SORCS2: variants seen among roughly 807,000 people sequenced by gnomAD.
SORCS2 encodes the protein VPS10 domain-containing receptor SorCS2.
A neutral mutation model predicts 141.6 loss-of-function variants in SORCS2; 100 were observed. That is an observed-to-expected ratio of 0.71 (90% CI 0.60 to 0.83). The LOEUF (loss-of-function observed/expected upper bound fraction) is 0.83, where lower values mean the gene tolerates loss of function less well. Ranked by LOEUF, SORCS2 falls within the 40% of genes least tolerant of loss-of-function variation. The probability of loss-of-function intolerance (pLI) is 0.00; values close to 1 mark genes in which losing one functional copy is unlikely to be tolerated. For synonymous variants in SORCS2, 789 were observed against 676.9 expected (o/e 1.17, Z -2.57); for missense variants, 1,646 against 1,560.2 (o/e 1.05, Z -0.93).
chr4:7,193,169 A>G lies in SORCS2; in HGVS notation c.480+43A>G. On this transcript the variant is annotated intron_variant, in intron 1 of 26. Coordinates refer to ENST00000507866, the MANE Select transcript of SORCS2 (RefSeq NM_020777.3). The surrounding 1 kb of genome is among the most constrained non-coding windows in gnomAD (Gnocchi z 4.8). ...GCTCGCCGCGGCCCCTACCCGGGAC[A>G]CCGCGGGACACCCGGGCGGGACCGC... The G allele has an allele frequency of 6.9e-7, 1 of 1,445,974 alleles. No homozygotes were observed. Among genetic ancestry groups the G allele is most frequent in the Non-Finnish European group, 9.1e-7 (1 of 1,103,862 alleles). The allele number at this position is 1,445,974 out of a possible 1,614,324, so 89.6% of individuals were successfully genotyped here. A position where few individuals can be genotyped will look rare whatever the true frequency, so the allele number is the denominator to read the frequency against.
chr4:7,718,770 G>A (rs1476671999), intron 18 of SORCS2, among the ~76,000 whole-genome samples: 1 of 152,108 alleles, frequency 6.6e-6, no homozygotes, highest in Non-Finnish European at 1.5e-5. Context: ...AATAATGAAT[G>A]TTCATTGTAG....
chr4:7,462,013 C>T (rs1729344364), intron 2 of SORCS2, among the ~76,000 whole-genome samples: 1 of 152,246 alleles, frequency 6.6e-6, no homozygotes, highest in Non-Finnish European at 1.5e-5. Flanking sequence ...TCACCTGTCT[C>T]TGTGCCCAAA....
At chr4:7,604,934 T>A (rs556704350) in intron 3 of SORCS2, among the ~76,000 whole-genome samples, 28 of 151,972 alleles carry the variant, frequency 1.8e-4, no homozygotes, top group South Asian at 6.2e-4. Context: ...CTACACCCCA[T>A]GCAGATGTCA....
intron 2 of SORCS2, among the ~76,000 whole-genome samples, chr4:7,426,926 G>A (rs993410079): frequency 3.9e-5 from 6 of 152,214 alleles, no homozygotes; most frequent in African/African-American, 1.4e-4. Context: ...ATAACAGTGG[G>A]GGATGTGTTT....
chr4:7,231,587 T>G (rs1033200215), intron 1 of SORCS2, among the ~76,000 whole-genome samples: 2 of 152,138 alleles, frequency 1.3e-5, no homozygotes, highest in Non-Finnish European at 1.5e-5. Context: ...TTAGCAAATG[T>G]TTATGGAACT....
At chr4:7,448,715 C>G (rs1728178393) in intron 2 of SORCS2, among the ~76,000 whole-genome samples, 1 of 130,388 alleles carries the variant, frequency 7.7e-6, no homozygotes, top group African/African-American at 2.8e-5. Context: ...TCTCCCCTCC[C>G]TTCTTCCTCC....
intron 1 of SORCS2, among the ~76,000 whole-genome samples, chr4:7,252,641 G>A (rs969882144): frequency 3.9e-5 from 6 of 152,062 alleles, no homozygotes; most frequent in Middle Eastern, 3.2e-3. Context: ...CTGAGTGACC[G>A]TGCAATTCAT....
intron 2 of SORCS2, among the ~76,000 whole-genome samples, chr4:7,441,733 A>G: frequency 3.2e-5 from 1 of 31,488 alleles, no homozygotes; most frequent in Non-Finnish European, 5.9e-5. Flanking sequence ...ATTACCCTCC[A>G]CCCCCTCCCC....
chr4:7,689,020 G>A (rs1202215445), intron 10 of SORCS2, among the ~76,000 whole-genome samples: 1 of 152,190 alleles, frequency 6.6e-6, no homozygotes, highest in Non-Finnish European at 1.5e-5. Flanking sequence ...AAGGTTCTGG[G>A]TAGGTGAATG....
At position 7,542,373 on chromosome 4, in the gene SORCS2, C is replaced by A. The variant is rs146946706; in HGVS notation, c.648+10744C>A. Among the ~76,000 whole-genome samples, 1,081 of 152,224 alleles carry A rather than the reference C, an allele frequency of 7.1e-3. 6 individuals are homozygous for A. Among genetic ancestry groups the A allele is most frequent in the Middle Eastern group, 0.014 (4 of 294 alleles). ...AGCTGTAATCGAGGTAAAATGAGGT[C>A]ATTTCCAACATGACTGGTATTTTTA... On this transcript the variant is annotated intron_variant, in intron 3 of 26. Coordinates refer to ENST00000507866, the MANE Select transcript of SORCS2 (RefSeq NM_020777.3).
chr4:7,659,823 T>TC (rs555635616), intron 5 of SORCS2, among the ~76,000 whole-genome samples: 50 of 151,826 alleles, frequency 3.3e-4, no homozygotes, highest in African/African-American at 1.0e-3. Context: ...GCTGTACTTC[T>TC]CCCCCCCACC....
At chr4:7,365,428 T>C (rs1362955936) in intron 1 of SORCS2, among the ~76,000 whole-genome samples, 1 of 152,068 alleles carries the variant, frequency 6.6e-6, no homozygotes, top group Non-Finnish European at 1.5e-5. Flanking sequence ...GGGTGCAGGC[T>C]GAGATGGGGA....
chr4:7,453,384 CTGTGTTGGGGTCAGGAGCTG>C (rs1728619280), intron 2 of SORCS2, among the ~76,000 whole-genome samples: 13 of 122,130 alleles, frequency 1.1e-4, no homozygotes, highest in South Asian at 2.9e-4. Context: ...GGGTCAGGCA[CTGTGTTGGGGTCAGGAGCTG>C]TGTGTTGGGG....
At chr4:7,403,849 C>T (rs1407260047) in intron 2 of SORCS2, among the ~76,000 whole-genome samples, 1 of 149,132 alleles carries the variant, frequency 6.7e-6, no homozygotes. Context: ...GAGTATTCAT[C>T]ACCCGAATAA....
intron 20 of SORCS2, among the ~76,000 whole-genome samples, chr4:7,726,490 C>T (rs1392633642): frequency 6.6e-6 from 1 of 152,124 alleles, no homozygotes; most frequent in Non-Finnish European, 1.5e-5. Context: ...TGGGAGAATA[C>T]TTGAACCCAG....
At chr4:7,418,527 T>TG (rs923242327) in intron 2 of SORCS2, among the ~76,000 whole-genome samples, 21 of 152,252 alleles carry the variant, frequency 1.4e-4, no homozygotes, top group African/African-American at 4.8e-4. Flanking sequence ...CGCAGGACTG[T>TG]GGGGGTCACA....
At position 7,723,801 on chromosome 4, in the gene SORCS2, G is replaced by C; in HGVS notation, c.2529G>C (p.Glu843Asp). 6.2e-7 allele frequency: 1 copy of C among 1,613,828 alleles called. No individual in the cohort carries two copies. The highest frequency in any genetic ancestry group is 8.5e-7 in the Non-Finnish European group (1 of 1,179,896). The change falls in exon 19 of 27, where the codon GAG (glutamate) becomes GAC (aspartate). Residue 843 changes from glutamate to aspartate, a missense_variant. By Grantham distance (45) the Glu-to-Asp change is conservative. Transcript: ENST00000507866. ...GGGAGCCCATCCGGCACCGCTACGA[G>C]AGCCCCGGCATCTACCGCGTGTCCG... ...LTGEPIRHRY[E>D]SPGIYRVSVR... is the part of the protein sequence containing the mutation.
chr4:7,351,668 C>T (rs934041253), intron 1 of SORCS2, among the ~76,000 whole-genome samples: 4 of 150,814 alleles, frequency 2.7e-5, no homozygotes, highest in African/African-American at 9.8e-5. Flanking sequence ...CCCTTCCTCT[C>T]CCTCTCTTCC....
intron 3 of SORCS2, among the ~76,000 whole-genome samples, chr4:7,604,341 G>A (rs1008106859): frequency 7.2e-5 from 11 of 152,172 alleles, no homozygotes; most frequent in South Asian, 4.1e-4. Context: ...TTTTTGAGAC[G>A]GAGTCTCGCT....
Sources: gnomAD v4.1 joint callset for allele counts (sites outside exome capture counted in the v4.1 genomes callset) on GRCh38, gnomAD v4.1.1 for gene constraint, Gnocchi (gnomAD v3.1) non-coding constraint, MANE v1.5 for transcripts, NCBI Gene and HGNC (gene_info 2026-07-23, HGNC 2026-07-21) for gene names.